TTC19: variants seen among roughly 807,000 people sequenced by gnomAD.
TTC19 encodes the protein tetratricopeptide repeat protein 19, mitochondrial.
A neutral mutation model predicts 49.5 loss-of-function variants in TTC19; 38 were observed. That is an observed-to-expected ratio of 0.77 (90% confidence interval 0.59 to 1.01). The LOEUF is 1.01. TTC19 is among the 50% of genes least tolerant of loss of function. The probability of loss-of-function intolerance (pLI) is 0.00; values close to 1 mark genes in which losing one functional copy is unlikely to be tolerated. For missense variants in TTC19, 475 were observed against 477.7 expected (o/e 0.99, Z 0.05); for synonymous variants, 204 against 185.2 (o/e 1.10, Z -0.83).
At chr17:16,016,190 T>C (rs915255673) in intron 7 of TTC19, among the ~76,000 whole-genome samples, 3 of 152,218 alleles carry the variant, frequency 2.0e-5, no homozygotes, top group Non-Finnish European at 4.4e-5. Context: ...CTCATTAATT[T>C]TGGTAAGTTA....
At position 16,000,157 on chromosome 17, in the gene TTC19, A is replaced by G. The variant is rs749855171; in HGVS notation, c.224A>G (p.Glu75Gly). 1.4e-5 allele frequency: 23 copies of G among 1,587,608 alleles called. No individual in the cohort carries two copies. In the South Asian group the frequency reaches 2.6e-4, roughly 18 times the overall value. ...TCGAGGCCCGCTGCGGCAGAGGAGGAGGAGCAGCAGGGAGCCGACGGGGCC... is the reference window on the plus strand; with the variant it reads ...TCGAGGCCCGCTGCGGCAGAGGAGGGGGAGCAGCAGGGAGCCGACGGGGCC... ...WFSRPAAAEEEEQQGADGAAA... is the reference protein window; with the variant it reads ...WFSRPAAAEEGEQQGADGAAA... Residue 75 changes from glutamate to glycine, a missense_variant, in exon 2 of 10, where the codon GAG (glutamate) becomes GGG (glycine). By Grantham distance (98) the Glu-to-Gly change is moderately conservative (BLOSUM62 -2). Coordinates refer to ENST00000261647, the MANE Select transcript of TTC19 (RefSeq NM_017775.4).
downstream of TTC19, chr17:16,029,804 C>T (rs11650682): frequency 1.3e-5 from 2 of 152,492 alleles, no homozygotes; most frequent in Non-Finnish European, 2.9e-5. Flanking sequence ...TCTGAGATTT[C>T]TTCTCCAGGT....
chr17:16,040,679 G>C, intron 2 of TTC19: 1 of 623,210 alleles, frequency 1.6e-6, no homozygotes, highest in Non-Finnish European at 2.9e-6. Context: ...GTCTCACTCT[G>C]TTGCCCAGGC....
chr17:16,038,217 T>C (rs1441338826), intron 2 of TTC19, among the ~76,000 whole-genome samples: 1 of 152,148 alleles, frequency 6.6e-6, no homozygotes, highest in Non-Finnish European at 1.5e-5. Flanking sequence ...ACAAGAGATA[T>C]TCTCAAAATA....
intron 7 of TTC19, among the ~76,000 whole-genome samples, chr17:16,021,263 C>A (rs1971374224): frequency 6.6e-6 from 1 of 152,192 alleles, no homozygotes. Context: ...GGTGGCGCAC[C>A]TGTAGTCCCA....
In TTC19 at chr17:16,025,822, A is replaced by G. The variant is rs76051338; in HGVS notation, c.831+651A>G. On this transcript the variant is annotated intron_variant, in intron 8 of 9. Coordinates refer to ENST00000261647, the MANE Select transcript of TTC19 (RefSeq NM_017775.4). ...TGAATGTGTCCCAAGGCTGGGGTAC[A>G]TGGGTAGGGTGAGTAATATGTTTTG... Among the ~76,000 whole-genome samples the G allele has an allele frequency of 7.5e-3, 1,147 of 152,326 alleles. 48 individuals carry two copies. In the East Asian group the frequency reaches 0.11, roughly 15 times the overall value.
intron 9 of TTC19, chr17:16,027,133 C>CA (rs1971585920): frequency 3.6e-6 from 2 of 558,706 alleles, no homozygotes; most frequent in African/African-American, 3.8e-5. Context: ...CACATACCAC[C>CA]ATTCATGAAA....
rs1284052675 is a variant in TTC19 at position 16,000,262 on chromosome 17, C to T, written c.312+17C>T. The T allele has an allele frequency of 3.8e-6, 6 of 1,593,290 alleles. No homozygotes were observed. Among genetic ancestry groups the T allele is most frequent in the Admixed American group, 3.3e-5 (2 of 59,822 alleles). Reference sequence around the variant, plus strand: ...CGAGCCAAGGTGAGGCGGCTCCGGGCCCTGCGCCCGGCCGAGCGCGGTAGC... The same window carrying T: ...CGAGCCAAGGTGAGGCGGCTCCGGGTCCTGCGCCCGGCCGAGCGCGGTAGC... On this transcript the variant is annotated intron_variant, in intron 2 of 9. Transcript: ENST00000261647.
At chr17:16,042,645 A>C (rs1020873184) in intron 2 of TTC19, among the ~76,000 whole-genome samples, 20 of 152,354 alleles carry the variant, frequency 1.3e-4, no homozygotes, top group African/African-American at 4.8e-4. Flanking sequence ...GAAGGTAGAC[A>C]TGTGAAAGCC....
At chr17:16,001,857 CTT>C in intron 2 of TTC19, 56 bp from the exon 3 acceptor site, 3 of 1,180,306 alleles carry the variant, frequency 2.5e-6, no homozygotes, top group East Asian at 2.4e-5. Flanking sequence ...ACTTCTGTCT[CTT>C]AGCATATGCA....
chr17:16,040,641 T>C, intron 2 of TTC19: 1 of 792,596 alleles, frequency 1.3e-6, no homozygotes, highest in Non-Finnish European at 2.0e-6. Context: ...GAAGATAAAA[T>C]GGAAGTATTT....
At chr17:16,032,567 T>C, downstream of TTC19, 2 of 1,325,162 alleles carry the variant, frequency 1.5e-6, no homozygotes, top group South Asian at 3.0e-5. Flanking sequence ...TGGAGTAGAA[T>C]AGGATTATTG....
intron 2 of TTC19, among the ~76,000 whole-genome samples, chr17:16,001,194 C>T (rs1970718146): frequency 6.6e-6 from 1 of 152,110 alleles, no homozygotes; most frequent in Non-Finnish European, 1.5e-5. Flanking sequence ...TGTCAGAAAG[C>T]TCTGAATGGC....
At chr17:16,040,133 T>C (rs904910567) in intron 2 of TTC19, 1 of 519,426 alleles carries the variant, frequency 1.9e-6, no homozygotes, top group African/African-American at 1.9e-5. Context: ...AGGAAATTTG[T>C]TTCCCAAGTG....
chr17:16,044,727 G>C, exon 3 of TTC19: 1 of 740,168 alleles, frequency 1.4e-6, no homozygotes, highest in Non-Finnish European at 2.5e-6. Context: ...AAAGCAGCTG[G>C]TGTAAATGTT....
chr17:16,021,954 T>A (rs879538518), intron 7 of TTC19, among the ~76,000 whole-genome samples: 1 of 152,180 alleles, frequency 6.6e-6, no homozygotes, highest in Non-Finnish European at 1.5e-5. Flanking sequence ...TACAGGGTAG[T>A]CATTTTTCTC....
chr17:16,030,042 T>TAACTA (rs1971793020), downstream of TTC19: 2 of 174,312 alleles, frequency 1.1e-5, no homozygotes, highest in African/African-American at 2.4e-5. Flanking sequence ...CTCCAAAACT[T>TAACTA]AACTACTCAT....
chr17:16,014,704 A>T (rs1567582511), intron 7 of TTC19, among the ~76,000 whole-genome samples: 2 of 152,316 alleles, frequency 1.3e-5, no homozygotes, highest in East Asian at 1.9e-4. Flanking sequence ...AATATTCCAA[A>T]CTCAAAAAAT....
chr17:16,017,851 TTTG>T (rs1415544035), intron 7 of TTC19, among the ~76,000 whole-genome samples: 1 of 119,602 alleles, frequency 8.4e-6, no homozygotes, highest in African/African-American at 2.6e-5. Flanking sequence ...TGTTAATTCC[TTTG>T]TTTTCAGTTC....
Sources: gnomAD v4.1 joint callset for allele counts (sites outside exome capture counted in the v4.1 genomes callset) on GRCh38, gnomAD v4.1.1 for gene constraint, MANE v1.5 for transcripts, NCBI Gene and HGNC (gene_info 2026-07-23, HGNC 2026-07-21) for gene names.